Variants in RPL6 observed in about 807,000 individuals in gnomAD.
RPL6 encodes the protein large ribosomal subunit protein eL6.
RPL6 carries 1 observed loss-of-function variant against 32.1 expected under a neutral mutation model. That is an observed-to-expected ratio of 0.03 (90% CI 0.01 to 0.15). RPL6 has a LOEUF of 0.15. Among genes scored for constraint, RPL6 ranks in the 10% least tolerant of loss-of-function variants. The probability of loss-of-function intolerance (pLI) is 1.00; values close to 1 mark genes in which losing one functional copy is unlikely to be tolerated. For synonymous variants in RPL6, 126 were observed against 131.6 expected (o/e 0.96, Z 0.29); for missense variants, 275 against 354.6 (o/e 0.78, Z 1.80).
chr12:112,413,297 G>A (rs2037361817), upstream of RPL6, among the ~76,000 whole-genome samples: 2 of 152,214 alleles, frequency 1.3e-5, no homozygotes, highest in South Asian at 4.1e-4. Flanking sequence ...AGCACTTTGG[G>A]AAGCCAAGGC....
upstream of RPL6, among the ~76,000 whole-genome samples, chr12:112,414,844 G>C (rs1438720928): frequency 6.6e-6 from 1 of 151,906 alleles, no homozygotes; most frequent in Non-Finnish European, 1.5e-5. Flanking sequence ...GGCGGTGCTT[G>C]CAGTGAGTCG....
chr12:112,411,096 C>T (rs2037336448), upstream of RPL6, among the ~76,000 whole-genome samples: 1 of 152,182 alleles, frequency 6.6e-6, no homozygotes. Context: ...TTGCTCACAG[C>T]ATAGATCTGA....
rs1594106912 is a variant in RPL6, at chr12:112,408,076, A to C, written c.336+164T>G. ...CACAGACGAGTAATTTAAATTACTT[A>C]AGATTAACAGTAAATGTTGAAGCCA... On this transcript the variant is annotated intron_variant, in intron 3 of 6. Transcript: ENST00000202773. 6.5e-6 allele frequency: 4 copies of C among 613,234 alleles called. No individual in the cohort carries two copies. In the East Asian group the frequency reaches 1.1e-4, roughly 17 times the overall value. 38.0% of individuals were successfully genotyped at this position (613,234 alleles called of 1,614,324 possible). A position where few individuals can be genotyped will look rare whatever the true frequency, so the allele number is the denominator to read the frequency against.
At chr12:112,409,639 C>T (rs1056357422), upstream of RPL6, 1 of 396,832 alleles carries the variant, frequency 2.5e-6, no homozygotes, top group East Asian at 3.6e-5. Context: ...TATAAGCAAT[C>T]ATGGGAAGTG....
chr12:112,415,469 T>G (rs1351034510), intron 1 of RPL6, among the ~76,000 whole-genome samples: 1 of 152,096 alleles, frequency 6.6e-6, no homozygotes, highest in African/African-American at 2.4e-5. Flanking sequence ...TCCCAGCACT[T>G]TGGGAGGCTG....
intron 1 of RPL6, chr12:112,408,937 C>A: frequency 2.5e-6 from 1 of 398,600 alleles, no homozygotes; most frequent in Non-Finnish European, 4.5e-6. Context: ...GTCAGAAGTC[C>A]GTACAACCAT....
At position 112,408,456 on chromosome 12, in the gene RPL6, G is replaced by A; in HGVS notation, c.201C>T (p.Ala67=). The part of the protein sequence containing the change: ...YSRSAMYSRK[A]MYKRKYSAAK... Reference sequence around the variant, plus strand: ...CGGCTGAGTACTTCCTCTTGTACATGGCCTTTCTGGAATACATGGCAGATC... The same window carrying A: ...CGGCTGAGTACTTCCTCTTGTACATAGCCTTTCTGGAATACATGGCAGATC... The change falls in exon 2 of 7, where the codon GCC becomes GCT. Residue 67 remains alanine (A), a synonymous_variant. Transcript: ENST00000202773. 1 of 1,614,086 alleles carries A rather than the reference G, an allele frequency of 6.2e-7. No homozygotes were observed. The highest frequency in any genetic ancestry group is 8.5e-7 in the Non-Finnish European group (1 of 1,180,026).
intron 6 of RPL6, 119 bp from the exon 7 acceptor site, chr12:112,405,495 A>T: frequency 2.0e-6 from 2 of 1,010,008 alleles, no homozygotes; most frequent in Non-Finnish European, 2.9e-6. Flanking sequence ...AACATTAAAG[A>T]CAATTTTGAC....
chr12:112,412,872 C>T (rs911622862), upstream of RPL6, among the ~76,000 whole-genome samples: 6 of 151,242 alleles, frequency 4.0e-5, no homozygotes, highest in Non-Finnish European at 7.4e-5. Context: ...TGCAGTGAGC[C>T]GAGATTGTGC....
intron 1 of RPL6, among the ~76,000 whole-genome samples, chr12:112,416,744 T>G (rs1312420489): frequency 6.6e-6 from 1 of 152,220 alleles, no homozygotes; most frequent in African/African-American, 2.4e-5. Flanking sequence ...TTTAGATTAC[T>G]CTGGCTACTA....
At position 112,405,395 on chromosome 12, in the gene RPL6, A is replaced by C; in HGVS notation, c.715-19T>G. 1.2e-6 allele frequency: 2 copies of C among 1,609,562 alleles called. No homozygotes were observed. The highest frequency in any genetic ancestry group is 1.7e-6 in the Non-Finnish European group (2 of 1,178,816). On this transcript the variant is annotated intron_variant, in intron 6 of 6. Transcript: ENST00000202773. Reference sequence around the variant, plus strand: ...CATATTTCTAAATAAAGAGAAAATCAAACATTTTAAAACAGGCACATACCA... The same window carrying C: ...CATATTTCTAAATAAAGAGAAAATCCAACATTTTAAAACAGGCACATACCA...
chr12:112,405,544 T>C, intron 6 of RPL6, 168 bp from the exon 7 acceptor site: 2 of 731,496 alleles, frequency 2.7e-6, no homozygotes, highest in Non-Finnish European at 4.5e-6. Context: ...CAACCCATTT[T>C]TTAATGTAAT....
intron 5 of RPL6, 84 bp from the exon 6 acceptor site, chr12:112,406,121 C>T (rs1416780940): frequency 2.3e-6 from 3 of 1,333,024 alleles, no homozygotes; most frequent in Admixed American, 2.0e-5. Flanking sequence ...TGTTATGTTG[C>T]TACACAAAGA....
intron 6 of RPL6, 147 bp from the exon 7 acceptor site, chr12:112,405,523 G>T (rs1162823383): frequency 9.4e-6 from 8 of 850,466 alleles, no homozygotes; most frequent in Non-Finnish European, 1.5e-5. Flanking sequence ...TCCTTGGAAT[G>T]CTGTGAAACA....
chr12:112,410,190 G>C (rs1385025434), upstream of RPL6: 1 of 178,954 alleles, frequency 5.6e-6, no homozygotes, highest in Non-Finnish European at 1.2e-5. Flanking sequence ...GTGGTTGTTA[G>C]TGCCTGTAGT....
chr12:112,409,868 G>A (rs1461386680), upstream of RPL6, among the ~76,000 whole-genome samples: 2 of 152,072 alleles, frequency 1.3e-5, no homozygotes, highest in East Asian at 3.9e-4. Flanking sequence ...AAAGGTAGCC[G>A]GGCGTGGGTG....
At chr12:112,410,493 A>G (rs1408419776), upstream of RPL6, 1 of 151,580 alleles carries the variant, frequency 6.6e-6, no homozygotes, top group Non-Finnish European at 1.5e-5. Context: ...AATATATACA[A>G]CAGTACTGAG....
At chr12:112,418,072 C>T (rs917235915) in intron 1 of RPL6, among the ~76,000 whole-genome samples, 9 of 151,912 alleles carry the variant, frequency 5.9e-5, no homozygotes, top group African/African-American at 1.9e-4. Context: ...CTCTGCCTCC[C>T]GGGTTCAAGC....
In RPL6 at chr12:112,406,303, G is replaced by A. The variant is rs2037167480; in HGVS notation, c.520C>T (p.Leu174Phe). 2.5e-6 allele frequency: 4 copies of A among 1,612,920 alleles called. No individual in the cohort carries two copies. Among genetic ancestry groups the A allele is most frequent in the Admixed American group, 1.7e-5 (1 of 59,958 alleles). Reference sequence around the variant, plus strand: ...CCAAGGATTTTCTTACCAGTCACAAGTAATAAGCCACTAGCCAGCTGCTTC... The same window carrying A: ...CCAAGGATTTTCTTACCAGTCACAAATAATAAGCCACTAGCCAGCTGCTTC... The part of the protein sequence containing the change: ...FLKQLASGLL[L>F]VTGPLVLNRV... The change falls in exon 5 of 7, where the codon CTT becomes TTT. Residue 174 changes from leucine (L) to phenylalanine (F), a missense_variant. Leu to Phe is a conservative substitution (Grantham distance 22). Transcript: ENST00000202773.
Sources: allele counts gnomAD v4.1 joint callset (sites outside exome capture counted in the v4.1 genomes callset), GRCh38; gene constraint gnomAD v4.1.1; transcripts MANE v1.5; gene names NCBI Gene and HGNC (gene_info 2026-07-23, HGNC 2026-07-21).